GPR158: variants seen among roughly 807,000 people sequenced by gnomAD.
GPR158 encodes G protein-coupled receptor 158, also known as metabotropic glycine receptor.
In GPR158, 30 loss-of-function variants were observed where a neutral mutation model predicts 78.2. That is an observed-to-expected ratio of 0.38 (90% CI 0.29 to 0.52). The LOEUF (loss-of-function observed/expected upper bound fraction) is 0.52, where lower values mean the gene tolerates loss of function less well. Among genes scored for constraint, GPR158 ranks in the 20% least tolerant of loss-of-function variants. GPR158 has a pLI of 0.83. For synonymous variants in GPR158, 581 were observed against 591.1 expected, an observed-to-expected ratio of 0.98 and a Z score of 0.25; for missense variants, 1,463 against 1,523.5, an observed-to-expected ratio of 0.96 and a Z score of 0.66.
intron 2 of GPR158, among the ~76,000 whole-genome samples, chr10:25,312,685 G>A (rs753903904): frequency 2.0e-4 from 30 of 152,136 alleles, no homozygotes; most frequent in Non-Finnish European, 2.8e-4. Flanking sequence ...AGTGCTTTGC[G>A]CATACTTTCC....
chr10:25,243,419 C>T (rs1419207166), intron 2 of GPR158, among the ~76,000 whole-genome samples: 1 of 152,194 alleles, frequency 6.6e-6, no homozygotes, highest in Non-Finnish European at 1.5e-5. Context: ...TTTCAAATCC[C>T]ATCACAAGTG....
At chr10:25,415,384 AAT>A (rs34606676) in intron 4 of GPR158, among the ~76,000 whole-genome samples, 63,739 of 151,526 alleles carry the variant, frequency 0.42, 14,741 homozygotes, top group Middle Eastern at 0.55. Context: ...CTCCAAAGAA[AAT>A]ATATATATAT....
At chr10:25,530,364 G>A (rs1836407671) in intron 5 of GPR158, among the ~76,000 whole-genome samples, 1 of 152,158 alleles carries the variant, frequency 6.6e-6, no homozygotes, top group African/African-American at 2.4e-5. Flanking sequence ...TTCTGTTTCT[G>A]TGAAGTGTAA....
intron 5 of GPR158, among the ~76,000 whole-genome samples, chr10:25,498,790 G>A (rs183407397): frequency 1.6e-4 from 25 of 152,276 alleles, no homozygotes; most frequent in Middle Eastern, 6.8e-3. Context: ...AGGGTTGCTC[G>A]CATTAGAACA....
At chr10:25,562,769 G>A (rs766048999) in intron 6 of GPR158, among the ~76,000 whole-genome samples, 1 of 152,178 alleles carries the variant, frequency 6.6e-6, no homozygotes, top group Non-Finnish European at 1.5e-5. Flanking sequence ...TGAATACCCC[G>A]TGTTTGTCTG....
intron 7 of GPR158, among the ~76,000 whole-genome samples, chr10:25,580,392 G>A (rs1420099843): frequency 6.6e-6 from 1 of 152,142 alleles, no homozygotes; most frequent in Non-Finnish European, 1.5e-5. Flanking sequence ...AAAACAGGCA[G>A]TGTGTTCAGT....
intron 2 of GPR158, among the ~76,000 whole-genome samples, chr10:25,302,988 A>C (rs1854621037): frequency 6.6e-6 from 1 of 152,196 alleles, no homozygotes; most frequent in African/African-American, 2.4e-5. Flanking sequence ...AGATGAATAG[A>C]ATGCAGTAAT....
chr10:25,541,908 G>A (rs1292181348), intron 5 of GPR158, among the ~76,000 whole-genome samples: 1 of 144,532 alleles, frequency 6.9e-6, no homozygotes, highest in Non-Finnish European at 1.5e-5. Flanking sequence ...GAAGCAGGGG[G>A]AAATTATAAA....
chr10:25,317,976 G>A (rs1173877248), intron 2 of GPR158, among the ~76,000 whole-genome samples: 29 of 152,138 alleles, frequency 1.9e-4, no homozygotes, highest in Admixed American at 1.4e-3. Context: ...TGATCTGCCC[G>A]CCTCCCAAAG....
chr10:25,412,247 C>A lies in GPR158; in HGVS notation c.1112-3C>A. On this transcript the variant is annotated splice_region_variant and splice_polypyrimidine_tract_variant and intron_variant, in intron 3 of 10. Coordinates refer to ENST00000376351, the MANE Select transcript of GPR158 (RefSeq NM_020752.3). ...ACACTGTGGTTTTATTTGGAACTTT[C>A]AGGAAGGGGTCCGGATCAGCATATT... The A allele has an allele frequency of 6.2e-7, 1 of 1,609,612 alleles. No homozygotes were observed.
chr10:25,399,966 G>A (rs1834418258), intron 3 of GPR158, among the ~76,000 whole-genome samples: 1 of 152,112 alleles, frequency 6.6e-6, no homozygotes. Context: ...CAACATATGA[G>A]CTAACATGGA....
At chr10:25,422,829 T>C (rs984139680) in intron 4 of GPR158, among the ~76,000 whole-genome samples, 1 of 149,522 alleles carries the variant, frequency 6.7e-6, no homozygotes, top group African/African-American at 2.5e-5. Flanking sequence ...CTGTACCTAA[T>C]GTACAGTCTT....
At chr10:25,187,537 G>A (rs1378929827) in intron 1 of GPR158, among the ~76,000 whole-genome samples, 1 of 152,102 alleles carries the variant, frequency 6.6e-6, no homozygotes, top group Non-Finnish European at 1.5e-5. Flanking sequence ...AAAACCACAT[G>A]ATTATCTCAA....
intron 2 of GPR158, among the ~76,000 whole-genome samples, chr10:25,262,892 G>A (rs1393575651): frequency 6.6e-6 from 1 of 152,166 alleles, no homozygotes; most frequent in Non-Finnish European, 1.5e-5. Context: ...TTTTGAAATT[G>A]GGTTGTTTGC....
chr10:25,382,833 T>C (rs1314016124), intron 2 of GPR158, among the ~76,000 whole-genome samples: 1 of 152,062 alleles, frequency 6.6e-6, no homozygotes, highest in Non-Finnish European at 1.5e-5. Context: ...ATTTTATTTT[T>C]ATTTATTTAT....
chr10:25,593,947 A>G (rs1260280749), intron 8 of GPR158, among the ~76,000 whole-genome samples: 4 of 152,098 alleles, frequency 2.6e-5, no homozygotes, highest in Non-Finnish European at 5.9e-5. Flanking sequence ...TGATAACTCT[A>G]CAAATTTGTA....
intron 4 of GPR158, among the ~76,000 whole-genome samples, chr10:25,459,717 T>C (rs557055839): frequency 6.6e-6 from 1 of 152,344 alleles, no homozygotes; most frequent in South Asian, 2.1e-4. Context: ...CAGGCAAATC[T>C]TCTATGGCAA....
intron 5 of GPR158, among the ~76,000 whole-genome samples, chr10:25,472,538 A>G (rs1416200772): frequency 1.3e-5 from 2 of 152,156 alleles, no homozygotes; most frequent in South Asian, 2.1e-4. Flanking sequence ...CATTGAATCT[A>G]TAATTTGCCT....
chr10:25,521,026 G>A (rs1010518941), intron 5 of GPR158, among the ~76,000 whole-genome samples: 1 of 151,730 alleles, frequency 6.6e-6, no homozygotes, highest in Admixed American at 6.5e-5. Context: ...GACTCTGTGG[G>A]CGTAGGACCC....
Sources: gnomAD v4.1 joint callset for allele counts (sites outside exome capture counted in the v4.1 genomes callset) on GRCh38, gnomAD v4.1.1 for gene constraint, MANE v1.5 for transcripts, NCBI Gene and HGNC (gene_info 2026-07-23, HGNC 2026-07-21) for gene names.